GOLGA8O: variants seen among roughly 807,000 people sequenced by gnomAD.
The protein encoded by GOLGA8O is golgin subfamily A member 8O.
A neutral mutation model predicts 29.7 loss-of-function variants in GOLGA8O; 4 were observed. The observed-to-expected ratio is 0.13, with a 90% confidence interval of 0.07 to 0.31. The LOEUF (loss-of-function observed/expected upper bound fraction) is 0.31. Among genes scored for constraint, GOLGA8O ranks in the 10% least tolerant of loss-of-function variants. GOLGA8O has a pLI of 1.00. For missense variants in GOLGA8O, 32 were observed against 216.5 expected (o/e 0.15, Z 5.35); for synonymous variants, 6 against 78.0 (o/e 0.08, Z 4.87).
upstream of GOLGA8O, among the ~76,000 whole-genome samples, chr15:32,459,415 A>T (rs539271110): frequency 1.6e-5 from 2 of 122,722 alleles, 1 homozygote; most frequent in Non-Finnish European, 3.5e-5. Flanking sequence ...GAACAAGGAG[A>T]TGCCAGGGAG....
intron 5 of GOLGA8O, 87 bp downstream of exon 5, chr15:32,451,514 G>A (rs1595691723): frequency 2.5e-6 from 4 of 1,596,866 alleles, no homozygotes; most frequent in East Asian, 4.5e-5. Flanking sequence ...CCCCAAGCTG[G>A]GAGTGGGTGA....
At position 32,451,478 on chromosome 15, in the gene GOLGA8O, G is replaced by A. The variant is rs1383030467; in HGVS notation, c.348+123C>T. On this transcript the variant is annotated intron_variant, in intron 5 of 18. Transcript: ENST00000509311. Reference sequence around the variant, plus strand: ...TTATCAGGGGCCCTGTGGGGATGGGGTGGAATCTGAGGGGTGAGCCTTCTT... The same window carrying A: ...TTATCAGGGGCCCTGTGGGGATGGGATGGAATCTGAGGGGTGAGCCTTCTT... 1.6e-5 allele frequency: 24 copies of A among 1,527,490 alleles called. 2 individuals are homozygous for A. The highest frequency in any genetic ancestry group is 2.3e-5 in the East Asian group (1 of 43,984). The allele number at this position is 1,527,490 out of a possible 1,614,324, so 94.6% of individuals were successfully genotyped here.
At chr15:32,460,693 A>C in the GOLGA8O span, among the ~76,000 whole-genome samples, 5 of 97,794 alleles carry the variant, frequency 5.1e-5, 1 homozygote, top group African/African-American at 2.4e-4. Context: ...ACACACGCGC[A>C]CACACACACA....
At position 32,445,574 on chromosome 15, in the gene GOLGA8O, A is replaced by ACCCCCCCCCCCC; in HGVS notation, c.1567+43_1567+44insGGGGGGGGGGGG. 1.1e-3 allele frequency: 4 copies of ACCCCCCCCCCCC among 3,766 alleles called. 1 individual carries two copies. Among genetic ancestry groups the ACCCCCCCCCCCC allele is most frequent in the South Asian group, 2.3e-3 (2 of 858 alleles). 0.2% of individuals were successfully genotyped at this position (3,766 alleles called of 1,614,324 possible). ...TGCCGCTGCCTGCGCCCACCCTCAC[A>ACCCCCCCCCCCC]CCCACCCCCACCCCCACCCCCACAG... On this transcript the variant is annotated intron_variant, in intron 17 of 18. Transcript: ENST00000509311.
At position 32,453,730 on chromosome 15, in the gene GOLGA8O, A is replaced by AT; in HGVS notation, c.140_141insA (p.Ser48PhefsTer113). The AT allele has an allele frequency of 1.4e-6, 1 of 706,478 alleles. No individual in the cohort carries two copies. The highest frequency in any genetic ancestry group is 2.0e-6 in the Non-Finnish European group (1 of 499,396). 43.8% of individuals were successfully genotyped at this position (706,478 alleles called of 1,614,324 possible). ...CCCCAGGTGGCTGGCAACCACCGGA[A>AT]GTGGCTGTCTCAGGGATACTGCCAT... is the stretch of plus-strand genomic sequence containing the variant. On this transcript the variant is annotated frameshift_variant, in exon 2 of 19. Transcript: ENST00000509311. LOFTEE classifies it high-confidence loss of function.
chr15:32,450,522 C>CACACACACACACAT (rs2055108036), intron 8 of GOLGA8O, among the ~76,000 whole-genome samples: 2 of 140,736 alleles, frequency 1.4e-5, no homozygotes, highest in African/African-American at 5.4e-5. Flanking sequence ...AGTATGTACA[C>CACACACACACACAT]ACACACACAC....
intron 14 of GOLGA8O, 27 bp downstream of exon 14, chr15:32,446,970 C>A: frequency 2.6e-5 from 1 of 38,460 alleles, no homozygotes; most frequent in Non-Finnish European, 4.2e-5. Flanking sequence ...GGGGCTCTCT[C>A]CTCTTCCTCT....
rs199631107 is a variant in GOLGA8O, at chr15:32,452,567, G to A, written c.233C>T (p.Pro78Leu). The A allele has an allele frequency of 0.064, 64,545 of 1,009,302 alleles. 1,262 individuals are homozygous for A. The highest frequency in any genetic ancestry group is 0.14 in the African/African-American group (4,443 of 32,074). 62.5% of individuals were successfully genotyped at this position (1,009,302 alleles called of 1,614,324 possible). A position where few individuals can be genotyped will look rare whatever the true frequency, so the allele number is the denominator to read the frequency against. ...SSATLKDLESPCQERAVVLDS... is the reference protein window; with the variant it reads ...SSATLKDLESLCQERAVVLDS... ...CAGGACTACTGCTCGTTCTTGGCACGGGCTCTGAGGTGCATGCAGAGAGGA... is the reference window on the plus strand; with the variant it reads ...CAGGACTACTGCTCGTTCTTGGCACAGGCTCTGAGGTGCATGCAGAGAGGA... The change falls in exon 4 of 19, where the codon CCG becomes CTG. Residue 78 changes from proline (P) to leucine (L), a missense_variant. Transcript: ENST00000509311.
rs2055133182 is a variant in GOLGA8O at position 32,451,563 on chromosome 15, C to T, written c.348+38G>A. 5.0e-6 allele frequency: 8 copies of T among 1,592,658 alleles called. No homozygotes were observed. The African/African-American group carries it at 7.0e-5, about 14-fold the overall frequency. ...CCTGTATGTCTGAGTGCCCCCCAAACCCAGCAGTCATGTCGCGAGGAAACG... is the reference window on the plus strand; with the variant it reads ...CCTGTATGTCTGAGTGCCCCCCAAATCCAGCAGTCATGTCGCGAGGAAACG... On this transcript the variant is annotated intron_variant, in intron 5 of 18. Coordinates refer to ENST00000509311, the MANE Select transcript of GOLGA8O (RefSeq NM_001277308.1).
chr15:32,453,248 CAT>C (rs2055151184), intron 2 of GOLGA8O, among the ~76,000 whole-genome samples: 1 of 62,192 alleles, frequency 1.6e-5, no homozygotes, highest in African/African-American at 7.4e-5. Flanking sequence ...TGCCCTAAAT[CAT>C]ATCCCTAGCA....
At chr15:32,451,509 A>C (rs2648137) in intron 5 of GOLGA8O, 92 bp downstream of exon 5, 1 of 1,594,072 alleles carries the variant, frequency 6.3e-7, no homozygotes, top group Non-Finnish European at 8.5e-7. Context: ...TTCTTCCCCA[A>C]GCTGGGAGTG....
In GOLGA8O at chr15:32,451,455, A is replaced by G. The variant is rs937867351; in HGVS notation, c.349-117T>C. 3.6e-4 allele frequency: 417 copies of G among 1,149,402 alleles called. 14 individuals carry two copies. Among genetic ancestry groups the G allele is most frequent in the Admixed American group, 1.4e-4 (7 of 49,648 alleles). 71.2% of individuals were successfully genotyped at this position (1,149,402 alleles called of 1,614,324 possible). ...ACAGGCCCACCCATGGGACCAGGTT[A>G]TCAGGGGCCCTGTGGGGATGGGGTG... On this transcript the variant is annotated intron_variant, in intron 5 of 18. Coordinates refer to ENST00000509311, the MANE Select transcript of GOLGA8O (RefSeq NM_001277308.1).
chr15:32,446,283 C>T (rs1201071680), intron 15 of GOLGA8O, among the ~76,000 whole-genome samples, 191 bp downstream of exon 15: 333 of 132,730 alleles, frequency 2.5e-3, no homozygotes, highest in Admixed American at 0.02. Flanking sequence ...AGAGGTGGAG[C>T]GCAGCCCCTT....
rs2055152162 is a variant in GOLGA8O, at chr15:32,453,319, G to C, written c.168+384C>G. Among the ~76,000 whole-genome samples, 2 of 79,124 alleles carry C rather than the reference G, an allele frequency of 2.5e-5. 1 individual carries two copies. The highest frequency in any genetic ancestry group is 9.6e-4 in the South Asian group (2 of 2,084). 51.9% of individuals were successfully genotyped at this position (79,124 alleles called of 152,430 possible). A position where few individuals can be genotyped will look rare whatever the true frequency, so the allele number is the denominator to read the frequency against. On this transcript the variant is annotated intron_variant, in intron 2 of 18. Transcript: ENST00000509311. ...TTCCTTTTTTTTTTTTTTTGAGACA[G>C]AGTCTTGCTCTTTCACCAGGCTGGA... is the stretch of plus-strand genomic sequence containing the variant.
intron 5 of GOLGA8O, 115 bp downstream of exon 5, chr15:32,451,486 T>C: frequency 1.3e-6 from 2 of 1,567,356 alleles, no homozygotes; most frequent in Non-Finnish European, 1.7e-6. Flanking sequence ...GGGTGGAATC[T>C]GAGGGGTGAG....
At chr15:32,457,271 CGCCTCG>C (rs1265686745), upstream of GOLGA8O, among the ~76,000 whole-genome samples, 1 of 113,454 alleles carries the variant, frequency 8.8e-6, no homozygotes, top group African/African-American at 3.6e-5. Flanking sequence ...GTGATCCACC[CGCCTCG>C]GCCTCCCAAA....
At chr15:32,458,208 C>CA (rs796814456), upstream of GOLGA8O, among the ~76,000 whole-genome samples, 38 of 54,086 alleles carry the variant, frequency 7.0e-4, 2 homozygotes, top group South Asian at 4.7e-3. Context: ...TGGAGCAAAG[C>CA]AACAAAGGTG....
At chr15:32,460,691 G>GCA in the GOLGA8O span, among the ~76,000 whole-genome samples, 57 of 95,272 alleles carry the variant, frequency 6.0e-4, 12 homozygotes, top group East Asian at 1.1e-3. Flanking sequence ...ATACACACGC[G>GCA]CACACACACA....
At position 32,445,763 on chromosome 15, in the gene GOLGA8O, T is replaced by C. The variant is rs772371437; in HGVS notation, c.1469+35A>G. ...TTCTGGGGCCCCTCTGATGGCTCTG[T>C]AGCTCCCCCTGCCGTGCCCTGGCCT... On this transcript the variant is annotated intron_variant, in intron 16 of 18. Transcript: ENST00000509311. The C allele has an allele frequency of 3.5e-6, 3 of 853,498 alleles. 1 individual carries two copies. The highest frequency in any genetic ancestry group is 2.0e-5 in the South Asian group (1 of 50,984). The allele number at this position is 853,498 out of a possible 1,614,324, so 52.9% of individuals were successfully genotyped here.
Sources: gnomAD v4.1 joint callset for allele counts (sites outside exome capture counted in the v4.1 genomes callset) on GRCh38, gnomAD v4.1.1 for gene constraint, MANE v1.5 for transcripts, NCBI Gene and HGNC (gene_info 2026-07-23, HGNC 2026-07-21) for gene names.